The following LUZP2 variants were observed in gnomAD, a reference collection of about 807,000 sequenced individuals.
LUZP2 encodes leucine zipper protein 2.
Under a neutral mutation model 51.6 loss-of-function variants are expected in LUZP2, and 52 were observed. The observed-to-expected ratio is 1.01, with a 90% CI of 0.81 to 1.27. LUZP2 has a LOEUF of 1.27. Ranked by LOEUF, LUZP2 falls within the 50% of genes most tolerant of loss-of-function variation. LUZP2 has a pLI of 0.00. For synonymous variants in LUZP2, 154 were observed against 137.3 expected (o/e 1.12, Z -0.85); for missense variants, 436 against 395.4 (o/e 1.10, Z -0.87).
intron 1 of LUZP2, among the ~76,000 whole-genome samples, chr11:24,511,043 T>A (rs992118438): frequency 1.3e-5 from 2 of 152,184 alleles, no homozygotes; most frequent in African/African-American, 4.8e-5. Context: ...GTAGAGTAGC[T>A]GGTCCCATAT....
intron 7 of LUZP2, among the ~76,000 whole-genome samples, chr11:24,949,326 ATC>A (rs1272255459): frequency 2.8e-5 from 1 of 36,340 alleles, no homozygotes; most frequent in Non-Finnish European, 6.3e-5. Flanking sequence ...CTATCTATCT[ATC>A]TATCTCTCTA....
intron 1 of LUZP2, among the ~76,000 whole-genome samples, chr11:24,680,452 C>T (rs1033625726): frequency 2.6e-5 from 4 of 152,190 alleles, no homozygotes; most frequent in Non-Finnish European, 2.9e-5. Flanking sequence ...ACCCAGACTT[C>T]TCAGTGTCCC....
chr11:24,566,839 A>G (rs1193431017), intron 1 of LUZP2, among the ~76,000 whole-genome samples: 1 of 145,288 alleles, frequency 6.9e-6, no homozygotes, highest in Non-Finnish European at 1.5e-5. Flanking sequence ...ATTTATATAT[A>G]AGGTATATAT....
At chr11:24,645,318 G>A (rs1014175992) in intron 1 of LUZP2, among the ~76,000 whole-genome samples, 1 of 152,130 alleles carries the variant, frequency 6.6e-6, no homozygotes, top group Non-Finnish European at 1.5e-5. Context: ...TGAACATATT[G>A]TAGTCTAACT....
At chr11:24,911,809 T>A (rs968553823) in intron 6 of LUZP2, among the ~76,000 whole-genome samples, 1 of 152,188 alleles carries the variant, frequency 6.6e-6, no homozygotes, top group Non-Finnish European at 1.5e-5. Flanking sequence ...ATGTAATAAA[T>A]GTGATTCTGA....
chr11:25,032,384 A>T (rs10767301), intron 9 of LUZP2, among the ~76,000 whole-genome samples: 57,728 of 152,012 alleles, frequency 0.38, 13,315 homozygotes, highest in East Asian at 0.77. Flanking sequence ...AAGTGACTTA[A>T]TCACTATGAG....
At chr11:24,774,992 T>A (rs1452724301) in intron 5 of LUZP2, among the ~76,000 whole-genome samples, 1 of 151,190 alleles carries the variant, frequency 6.6e-6, no homozygotes, top group Non-Finnish European at 1.5e-5. Flanking sequence ...CTAGGAATAT[T>A]ACATAACAGG....
rs573450919 is a variant in LUZP2 at position 24,794,322 on chromosome 11, C to T, written c.396+31014C>T. Among the ~76,000 whole-genome samples the T allele has an allele frequency of 1.2e-4, 18 of 152,204 alleles. No homozygotes were observed. In the South Asian group the frequency reaches 1.7e-3, roughly 14 times the overall value. ...CACATGGCATACTACTCTTTATGTACAGAGATGAGTTTCTTACTGTTTAAA... is the reference window on the plus strand; with the variant it reads ...CACATGGCATACTACTCTTTATGTATAGAGATGAGTTTCTTACTGTTTAAA... On this transcript the variant is annotated intron_variant, in intron 5 of 11. Transcript: ENST00000336930.
intron 5 of LUZP2, among the ~76,000 whole-genome samples, chr11:24,797,854 G>T (rs1159875402): frequency 6.6e-6 from 1 of 152,132 alleles, no homozygotes; most frequent in Non-Finnish European, 1.5e-5. Flanking sequence ...GACAAAAGTT[G>T]AGTACACTTT....
At chr11:24,998,654 A>T (rs2133938409) in intron 9 of LUZP2, among the ~76,000 whole-genome samples, 1 of 152,318 alleles carries the variant, frequency 6.6e-6, no homozygotes, top group South Asian at 2.1e-4. Context: ...TTCCAGAAAT[A>T]TTTCACAAGA....
At chr11:24,641,067 C>T (rs1004931142) in intron 1 of LUZP2, among the ~76,000 whole-genome samples, 1 of 151,326 alleles carries the variant, frequency 6.6e-6, no homozygotes, top group Non-Finnish European at 1.5e-5. Context: ...GTATGTGCCA[C>T]CATGGCCAGC....
At chr11:25,076,201 T>C (rs909842680) in intron 10 of LUZP2, among the ~76,000 whole-genome samples, 2 of 145,830 alleles carry the variant, frequency 1.4e-5, no homozygotes, top group Non-Finnish European at 3.1e-5. Flanking sequence ...TTTTTGTTCT[T>C]GTTTTCGTTT....
At position 24,748,688 on chromosome 11, in the gene LUZP2, A is replaced by G. The variant is rs935565230; in HGVS notation, c.333+10386A>G. On this transcript the variant is annotated intron_variant, in intron 4 of 11. Coordinates refer to ENST00000336930, the MANE Select transcript of LUZP2 (RefSeq NM_001009909.4). Reference sequence around the variant, plus strand: ...TGGCCGGGATGGTCTTGATCTCTTGACCTCATGATCTGCCCCCCTTGGCCT... The same window carrying G: ...TGGCCGGGATGGTCTTGATCTCTTGGCCTCATGATCTGCCCCCCTTGGCCT... Among the ~76,000 whole-genome samples the G allele has an allele frequency of 2.0e-5, 3 of 152,058 alleles. 1 individual carries two copies.
chr11:24,690,008 A>G (rs541446154), intron 1 of LUZP2, among the ~76,000 whole-genome samples: 2 of 152,086 alleles, frequency 1.3e-5, no homozygotes, highest in Non-Finnish European at 2.9e-5. Context: ...TTTCTTATAC[A>G]TGTATTTCTC....
intron 9 of LUZP2, among the ~76,000 whole-genome samples, chr11:25,000,889 C>A (rs1856665131): frequency 6.7e-6 from 1 of 149,814 alleles, no homozygotes. Flanking sequence ...TTTGTTATTT[C>A]TTGCAAACAG....
intron 1 of LUZP2, among the ~76,000 whole-genome samples, chr11:24,685,034 T>C (rs1292684625): frequency 1.5e-5 from 2 of 130,886 alleles, no homozygotes; most frequent in African/African-American, 6.8e-5. Flanking sequence ...TCTGTGTGTG[T>C]GTGTGTGTGT....
intron 1 of LUZP2, among the ~76,000 whole-genome samples, chr11:24,680,944 C>T (rs1406022751): frequency 4.0e-5 from 6 of 151,286 alleles, no homozygotes; most frequent in Non-Finnish European, 5.9e-5. Flanking sequence ...AACTTGAACA[C>T]TCTTTATGAG....
chr11:24,613,937 T>C (rs1156629162), intron 1 of LUZP2, among the ~76,000 whole-genome samples: 1 of 152,018 alleles, frequency 6.6e-6, no homozygotes, highest in Non-Finnish European at 1.5e-5. Flanking sequence ...GTGATCCTAA[T>C]CTACTAGGCA....
In LUZP2 at chr11:24,945,963, A is replaced by G. The variant is rs1294016566; in HGVS notation, c.523-30628A>G. On this transcript the variant is annotated intron_variant, in intron 7 of 11. Coordinates refer to ENST00000336930, the MANE Select transcript of LUZP2 (RefSeq NM_001009909.4). ...AAGATGTTCATATTCATTTGCAGTCACTGCCTGTTCCCCTTTTTCCCTAGA... is the reference window on the plus strand; with the variant it reads ...AAGATGTTCATATTCATTTGCAGTCGCTGCCTGTTCCCCTTTTTCCCTAGA... 2.0e-5 allele frequency among the ~76,000 whole-genome samples: 3 copies of G among 152,212 alleles called. 1 individual carries two copies. The East Asian group carries it at 5.8e-4, about 29-fold the overall frequency.
Sources: gnomAD v4.1 joint callset for allele counts (sites outside exome capture counted in the v4.1 genomes callset) on GRCh38, gnomAD v4.1.1 for gene constraint, MANE v1.5 for transcripts, NCBI Gene and HGNC (gene_info 2026-07-23, HGNC 2026-07-21) for gene names.